RNF212B: variants seen among roughly 807,000 people sequenced by gnomAD.
RNF212B encodes the protein ring finger protein 212B.
RNF212B carries 52 observed loss-of-function variants against 55.5 expected under a neutral mutation model. The ratio of observed to expected loss-of-function variants is 0.94; its 90% confidence interval spans 0.75 to 1.18. RNF212B has a LOEUF of 1.18. RNF212B is among the 50% of genes most tolerant of loss of function. The probability of loss-of-function intolerance (pLI) is 0.00; values close to 1 mark genes in which losing one functional copy is unlikely to be tolerated. For synonymous variants in RNF212B, 99 were observed against 121.4 expected (o/e 0.82, Z 1.21); for missense variants, 289 against 350.4 (o/e 0.82, Z 1.40).
chr14:23,247,356 C>T (rs1375273016), intron 4 of RNF212B, among the ~76,000 whole-genome samples: 1 of 152,100 alleles, frequency 6.6e-6, no homozygotes, highest in African/African-American at 2.4e-5. Flanking sequence ...AATTTTCAAA[C>T]ATTTTCATCA....
intron 2 of RNF212B, among the ~76,000 whole-genome samples, chr14:23,209,868 A>G (rs1393284456): frequency 6.6e-6 from 1 of 152,166 alleles, no homozygotes; most frequent in Non-Finnish European, 1.5e-5. Flanking sequence ...AACATCTATG[A>G]CTGGCCCAGT....
At chr14:23,242,347 T>C (rs1566423496) in intron 2 of RNF212B, among the ~76,000 whole-genome samples, 2 of 152,294 alleles carry the variant, frequency 1.3e-5, no homozygotes, top group South Asian at 4.1e-4. Context: ...CCAGTCCCAC[T>C]ACTAAAATTT....
rs1883388195 is a variant in RNF212B, at chr14:23,239,356, G to A, written c.-1-989G>A. ...ATTACAGGTGTGAGACACCATGCTTGGCCTGATTCTGAGTTTCTGCAGAAG... is the reference window on the plus strand; with the variant it reads ...ATTACAGGTGTGAGACACCATGCTTAGCCTGATTCTGAGTTTCTGCAGAAG... On this transcript the variant is annotated intron_variant, in intron 1 of 14. Transcript: ENST00000430154. Among the ~76,000 whole-genome samples the A allele has an allele frequency of 2.0e-5, 3 of 152,000 alleles. No individual in the cohort carries two copies. In the South Asian group the frequency reaches 6.2e-4, roughly 32 times the overall value.
chr14:23,208,849 C>T (rs1459054659), intron 2 of RNF212B, among the ~76,000 whole-genome samples: 3 of 139,682 alleles, frequency 2.1e-5, no homozygotes, highest in Non-Finnish European at 4.5e-5. Context: ...AGCTCTGCCT[C>T]CCAGGTTCAC....
intron 2 of RNF212B, among the ~76,000 whole-genome samples, chr14:23,195,343 T>A (rs73600459): frequency 6.6e-6 from 1 of 151,620 alleles, no homozygotes; most frequent in African/African-American, 2.4e-5. Context: ...TTAGAAAACA[T>A]GGAAGATTTA....
chr14:23,268,653 C>T (rs534180214), intron 11 of RNF212B, among the ~76,000 whole-genome samples: 1 of 152,092 alleles, frequency 6.6e-6, no homozygotes, highest in Non-Finnish European at 1.5e-5. Flanking sequence ...TGGTGATTTC[C>T]ATCTTAGAGG....
chr14:23,201,891 A>G (rs1027089490), intron 2 of RNF212B, among the ~76,000 whole-genome samples: 4 of 152,210 alleles, frequency 2.6e-5, no homozygotes, highest in African/African-American at 9.6e-5. Flanking sequence ...TAAGCAATCT[A>G]TAAAGTTTAT....
upstream of RNF212B, among the ~76,000 whole-genome samples, chr14:23,237,321 G>A (rs1883185799): frequency 6.6e-6 from 1 of 152,084 alleles, no homozygotes; most frequent in Non-Finnish European, 1.5e-5. Flanking sequence ...GTAGAAGCGG[G>A]GTTTCGCCAT....
At chr14:23,198,534 G>T (rs1468751927) in intron 2 of RNF212B, among the ~76,000 whole-genome samples, 2 of 151,872 alleles carry the variant, frequency 1.3e-5, no homozygotes, top group Admixed American at 1.3e-4. Context: ...AAATCAGCTG[G>T]GCGTGGTGGC....
rs1025653407 is a variant in RNF212B, at chr14:23,264,109, C to G, written c.525-65C>G. 1.2e-4 allele frequency: 166 copies of G among 1,345,908 alleles called. 1 individual carries two copies. The Admixed American group carries it at 3.6e-3, about 29-fold the overall frequency. 83.4% of individuals were successfully genotyped at this position (1,345,908 alleles called of 1,614,324 possible). On this transcript the variant is annotated intron_variant, in intron 9 of 14. Coordinates refer to ENST00000430154, the MANE Select transcript of RNF212B (RefSeq NM_001282322.3). ...TCTGAAAAAAACCAAAACAAAAAAACAACAACAATAAAAAGTAAAACTAGG... is the reference window on the plus strand; with the variant it reads ...TCTGAAAAAAACCAAAACAAAAAAAGAACAACAATAAAAAGTAAAACTAGG...
At chr14:23,247,503 T>A (rs1234130067) in intron 4 of RNF212B, among the ~76,000 whole-genome samples, 1 of 148,196 alleles carries the variant, frequency 6.7e-6, no homozygotes, top group Non-Finnish European at 1.5e-5. Context: ...TATGGAATCA[T>A]ATAATGTATG....
intron 2 of RNF212B, among the ~76,000 whole-genome samples, chr14:23,196,061 T>C (rs1442872308): frequency 1.3e-5 from 2 of 152,208 alleles, no homozygotes; most frequent in African/African-American, 4.8e-5. Flanking sequence ...TCTGGATGCT[T>C]ACTACCACTT....
intron 11 of RNF212B, among the ~76,000 whole-genome samples, chr14:23,266,957 G>A (rs1298180468): frequency 6.6e-6 from 1 of 152,054 alleles, no homozygotes; most frequent in Non-Finnish European, 1.5e-5. Flanking sequence ...TATTATTGTG[G>A]TTTTTGGTTT....
At chr14:23,226,117 GTGAAACCCCGTC>G (rs1328512514) in intron 2 of RNF212B, among the ~76,000 whole-genome samples, 9 of 150,888 alleles carry the variant, frequency 6.0e-5, no homozygotes, top group Admixed American at 1.3e-4. Flanking sequence ...GGCCAAGATG[GTGAAACCCCGTC>G]TGTACTAAAA....
intron 2 of RNF212B, among the ~76,000 whole-genome samples, chr14:23,209,804 T>C (rs759180844): frequency 1.3e-5 from 2 of 152,176 alleles, no homozygotes; most frequent in African/African-American, 2.4e-5. Flanking sequence ...ATGGATATCA[T>C]GTACCCCTGA....
chr14:23,205,767 T>C (rs1234577929), intron 2 of RNF212B, among the ~76,000 whole-genome samples: 2 of 152,224 alleles, frequency 1.3e-5, no homozygotes, highest in Non-Finnish European at 2.9e-5. Context: ...GATTAGAAGT[T>C]ATGGCAATCT....
In RNF212B at chr14:23,272,811, C is replaced by T. The variant is rs1426804765; in HGVS notation, c.835-12C>T. ...TAAACACCCACATCTACCTTCTTGT[C>T]CTCTGCTGCAGACTCTCTACCAACA... On this transcript the variant is annotated splice_polypyrimidine_tract_variant and intron_variant, in intron 14 of 14. Coordinates refer to ENST00000430154, the MANE Select transcript of RNF212B (RefSeq NM_001282322.3). The T allele has an allele frequency of 2.6e-6, 4 of 1,541,806 alleles. No individual in the cohort carries two copies. The highest frequency in any genetic ancestry group is 3.5e-6 in the Non-Finnish European group (4 of 1,139,786).
At chr14:23,258,361 G>T in intron 4 of RNF212B, 188 bp from the exon 5 acceptor site, 8 of 289,604 alleles carry the variant, frequency 2.8e-5, no homozygotes, top group Non-Finnish European at 3.7e-5. Flanking sequence ...AAAAAAGACA[G>T]TAGAAGGCTA....
intron 1 of RNF212B, chr14:23,187,950 A>C (rs1441998343): frequency 6.6e-6 from 1 of 152,240 alleles, no homozygotes; most frequent in Non-Finnish European, 1.5e-5. Flanking sequence ...AATTAAAAAA[A>C]GAAAAGGCCA....
Sources: allele counts gnomAD v4.1 joint callset (sites outside exome capture counted in the v4.1 genomes callset), GRCh38; gene constraint gnomAD v4.1.1; transcripts MANE v1.5; gene names NCBI Gene and HGNC (gene_info 2026-07-23, HGNC 2026-07-21).